MSL2: variants seen among roughly 807,000 people sequenced by gnomAD.
MSL2 encodes the protein MSL complex subunit 2.
In MSL2, 2 loss-of-function variants were observed where a neutral mutation model predicts 35.8. That is an observed-to-expected ratio of 0.06 (90% confidence interval 0.02 to 0.18). The LOEUF (loss-of-function observed/expected upper bound fraction) is 0.18. MSL2 is among the 10% of genes least tolerant of loss of function. The pLI, the probability that MSL2 is intolerant of heterozygous loss-of-function variation, is 1.00. For synonymous variants in MSL2, 296 were observed against 255.7 expected (o/e 1.16, Z -1.50); for missense variants, 523 against 706.7 (o/e 0.74, Z 2.95).
chr3:136,173,988 T>C (rs138870946), intron 1 of MSL2, among the ~76,000 whole-genome samples: 76 of 152,310 alleles, frequency 5.0e-4, no homozygotes, highest in African/African-American at 1.8e-3. Context: ...GGTCAATTCT[T>C]CTTCAAAAAT....
At chr3:136,178,845 A>C (rs1940257610) in intron 1 of MSL2, among the ~76,000 whole-genome samples, 1 of 151,858 alleles carries the variant, frequency 6.6e-6, no homozygotes, top group Admixed American at 6.6e-5. Flanking sequence ...GCCAGCACAC[A>C]CTTTTTTTAA....
chr3:136,186,004 G>A (rs1940511881), intron 1 of MSL2, among the ~76,000 whole-genome samples: 4 of 152,164 alleles, frequency 2.6e-5, no homozygotes, highest in Admixed American at 2.6e-4. Context: ...CAGCATGGCT[G>A]TTTTGCAGAA....
intron 1 of MSL2, among the ~76,000 whole-genome samples, chr3:136,190,008 G>T (rs1262575952): frequency 3.3e-5 from 5 of 151,918 alleles, no homozygotes; most frequent in South Asian, 2.1e-4. Flanking sequence ...CTGGACCCGG[G>T]AGACAAAGGT....
intron 1 of MSL2, among the ~76,000 whole-genome samples, chr3:136,181,536 C>A (rs1267061751): frequency 6.6e-6 from 1 of 152,046 alleles, no homozygotes; most frequent in East Asian, 1.9e-4. Context: ...TTCTTGGGCC[C>A]GATTACTAAG....
chr3:136,151,665 T>C lies in MSL2; in HGVS notation c.1216A>G (p.Lys406Glu). ...TGTTCATGACTCTTTTTCATGCTTT[T>C]AGTAGATAAAAGTACAGTTTTGCTG... ...KISKTVLLST[K>E]SMKKSHEHGS... is the part of the protein sequence containing the mutation. The change falls in exon 2 of 2, where the codon AAA becomes GAA. Residue 406 changes from lysine to glutamate, a missense_variant. This residue lies in a region of MSL2 where 361 missense variants were observed against 414.6 expected (regional missense o/e 0.87). Transcript: ENST00000309993. This position sits in a 1 kb window ranked among gnomAD's most constrained non-coding sequence, Gnocchi z 5.2. The C allele has an allele frequency of 6.2e-7, 1 of 1,614,178 alleles. No individual in the cohort carries two copies. Among genetic ancestry groups the C allele is most frequent in the Non-Finnish European group, 8.5e-7 (1 of 1,180,034 alleles).
Position 136,150,881 on chromosome 3 carries a change from A to G in MSL2, c.*266T>C, listed in dbSNP as rs1320472710. 3 of 399,940 alleles carry G rather than the reference A, an allele frequency of 7.5e-6. No homozygotes were observed. The highest frequency in any genetic ancestry group is 1.4e-5 in the Non-Finnish European group (3 of 220,562). 24.8% of individuals were successfully genotyped at this position (399,940 alleles called of 1,614,324 possible). A position where few individuals can be genotyped will look rare whatever the true frequency, so the allele number is the denominator to read the frequency against. ...TGAGGTTAATGTTATTTTTCTTGCC[A>G]AAGTTCATTTTGTATAAATCAGTTG... On this transcript the variant is annotated 3_prime_UTR_variant, in exon 2 of 2. Transcript: ENST00000309993.
rs977130674 is a variant in MSL2, at chr3:136,195,241, C to G, written c.-128G>C. ...AATCAGAGCCGAACCATTGGCCAAA[C>G]AAGTAACCAAAATCCGTGCAAGTTT... On this transcript the variant is annotated 5_prime_UTR_variant, in exon 1 of 2. Transcript: ENST00000309993. 4.0e-6 allele frequency: 6 copies of G among 1,500,058 alleles called. No homozygotes were observed. Among genetic ancestry groups the G allele is most frequent in the South Asian group, 2.8e-5 (2 of 71,546 alleles). The allele number at this position is 1,500,058 out of a possible 1,614,324, so 92.9% of individuals were successfully genotyped here. A position where few individuals can be genotyped will look rare whatever the true frequency, so the allele number is the denominator to read the frequency against.
At chr3:136,194,951 G>C in intron 1 of MSL2, 21 bp downstream of exon 1, 4 of 1,613,240 alleles carry the variant, frequency 2.5e-6, no homozygotes, top group Middle Eastern at 1.7e-4. Context: ...ATTGAAAAGG[G>C]AACAATAAAA....
At chr3:136,166,359 G>C (rs1313005863) in intron 1 of MSL2, among the ~76,000 whole-genome samples, 1 of 151,888 alleles carries the variant, frequency 6.6e-6, no homozygotes, top group Non-Finnish European at 1.5e-5. Flanking sequence ...CTGCACTCCA[G>C]CCTGGGCGAC....
intron 1 of MSL2, among the ~76,000 whole-genome samples, chr3:136,158,925 T>C (rs1157473171): frequency 9.9e-5 from 15 of 152,208 alleles, no homozygotes; most frequent in Admixed American, 9.8e-4. Context: ...CACTCAGCAC[T>C]ACAAAACACA....
In MSL2 at chr3:136,195,244, G is replaced by C; in HGVS notation, c.-131C>G. 6.7e-7 allele frequency: 1 copy of C among 1,497,188 alleles called. No individual in the cohort carries two copies. Among genetic ancestry groups the C allele is most frequent in the African/African-American group, 1.4e-5 (1 of 71,096 alleles). The allele number at this position is 1,497,188 out of a possible 1,614,324, so 92.7% of individuals were successfully genotyped here. The stretch of plus-strand genomic sequence containing the variant: ...CAGAGCCGAACCATTGGCCAAACAA[G>C]TAACCAAAATCCGTGCAAGTTTGTG... On this transcript the variant is annotated 5_prime_UTR_variant, in exon 1 of 2. The change creates a premature stop within an existing upstream ORF in the 5' untranslated region. Transcript: ENST00000309993.
chr3:136,160,337 AGG>A (rs1939669371), intron 1 of MSL2, among the ~76,000 whole-genome samples: 1 of 8,008 alleles, frequency 1.2e-4, no homozygotes, highest in African/African-American at 5.7e-4. Flanking sequence ...GAGGGAAGGA[AGG>A]AGGGAGGGAG....
intron 1 of MSL2, among the ~76,000 whole-genome samples, chr3:136,187,116 A>AGTACATGTTATG (rs1940547606): frequency 1.3e-5 from 2 of 152,242 alleles, no homozygotes; most frequent in South Asian, 4.1e-4. Context: ...CATTTTATCA[A>AGTACATGTTATG]GTACATGTTA....
chr3:136,187,745 T>TA (rs1212952524), intron 1 of MSL2, among the ~76,000 whole-genome samples: 1 of 152,120 alleles, frequency 6.6e-6, no homozygotes, highest in Admixed American at 6.6e-5. Flanking sequence ...CTATCCTACT[T>TA]AAATATTGTT....
intron 1 of MSL2, chr3:136,155,769 T>C: frequency 1.8e-6 from 1 of 558,700 alleles, no homozygotes; most frequent in South Asian, 1.4e-5. Flanking sequence ...ACCATGTACG[T>C]ATGCAAAGAG....
Position 136,152,602 on chromosome 3 carries a change from G to A in MSL2, c.279C>T (p.Asn93=). 1 of 1,614,140 alleles carries A rather than the reference G, an allele frequency of 6.2e-7. No homozygotes were observed. The highest frequency in any genetic ancestry group is 2.2e-5 in the East Asian group (1 of 44,874). Residue 93 remains asparagine, a synonymous_variant, in exon 2 of 2, where the codon AAC becomes AAT. Transcript: ENST00000309993. ...AGTTCACTAGGATGCTTAACTGCTT[G>A]TTTTCCTCAAACTGCTCATAGTCTT... ...WCKDYEQFEE[N]KQLSILVNCY... is the part of the protein sequence containing the mutation.
intron 1 of MSL2, among the ~76,000 whole-genome samples, chr3:136,161,487 A>T (rs988447519): frequency 1.2e-4 from 19 of 152,262 alleles, no homozygotes; most frequent in Non-Finnish European, 2.9e-5. Flanking sequence ...ATTGGTGAGT[A>T]GATAAACAAA....
rs182600219 is a variant in MSL2, at chr3:136,178,517, T to C, written c.142+16455A>G. Among the ~76,000 whole-genome samples the C allele has an allele frequency of 4.0e-4, 61 of 151,684 alleles. No individual in the cohort carries two copies. In the East Asian group the frequency reaches 0.011, roughly 28 times the overall value. On this transcript the variant is annotated intron_variant, in intron 1 of 1. Coordinates refer to ENST00000309993, the MANE Select transcript of MSL2 (RefSeq NM_018133.4). Reference sequence around the variant, plus strand: ...GTCAAAAAACTTAAGACAGCACTGCTTAAATTTACTGGCACTTTTTTTTTT... The same window carrying C: ...GTCAAAAAACTTAAGACAGCACTGCCTAAATTTACTGGCACTTTTTTTTTT...
chr3:136,188,591 T>C (rs1027275411), intron 1 of MSL2, among the ~76,000 whole-genome samples: 4 of 151,608 alleles, frequency 2.6e-5, no homozygotes, highest in East Asian at 1.9e-4. Context: ...CTCTACAAAA[T>C]ATCTGAAATT....
Sources: allele counts gnomAD v4.1 joint callset (sites outside exome capture counted in the v4.1 genomes callset), GRCh38; gene constraint gnomAD v4.1.1; regional missense constraint gnomAD v4.1.1; non-coding constraint Gnocchi (gnomAD v3.1); transcripts MANE v1.5; gene names NCBI Gene and HGNC (gene_info 2026-07-23, HGNC 2026-07-21).